Variants in GLG1 observed in about 807,000 individuals in gnomAD.
The protein encoded by GLG1 is Golgi apparatus protein 1.
In GLG1, 38 loss-of-function variants were observed where a neutral mutation model predicts 160.5. The observed-to-expected ratio is 0.24, with a 90% CI of 0.18 to 0.31. The LOEUF is 0.31. Ranked by LOEUF, GLG1 falls within the 10% of genes least tolerant of loss-of-function variation. The pLI, the probability that GLG1 is intolerant of heterozygous loss-of-function variation, is 1.00. For synonymous variants in GLG1, 644 were observed against 543.4 expected (o/e 1.19, Z -2.57); for missense variants, 1,373 against 1,505.2 (o/e 0.91, Z 1.45).
rs949024671 is a variant in GLG1 at position 74,464,765 on chromosome 16, T to C, written c.2667+911A>G. Among the ~76,000 whole-genome samples the C allele has an allele frequency of 2.7e-4, 41 of 152,224 alleles. 2 individuals carry two copies. Among genetic ancestry groups the C allele is most frequent in the Non-Finnish European group, 7.3e-5 (5 of 68,034 alleles). Reference sequence around the variant, plus strand: ...AAAATTCTCTCTAGAATTTATTTGATAGTGTAAAAAGTAGCATTTTACTTT... The same window carrying C: ...AAAATTCTCTCTAGAATTTATTTGACAGTGTAAAAAGTAGCATTTTACTTT... On this transcript the variant is annotated intron_variant, in intron 19 of 25. Transcript: ENST00000422840.
chr16:74,493,225 C>T, intron 6 of GLG1, 85 bp from the exon 7 acceptor site: 1 of 793,596 alleles, frequency 1.3e-6, no homozygotes. Context: ...CACAGCGACT[C>T]AGCCAAGTAC....
At chr16:74,576,129 G>A (rs752453927) in intron 1 of GLG1, among the ~76,000 whole-genome samples, 1 of 152,010 alleles carries the variant, frequency 6.6e-6, no homozygotes. Flanking sequence ...CCCGGGAGGT[G>A]AAGGCGGCGG....
chr16:74,531,898 T>C (rs974031500), intron 2 of GLG1, among the ~76,000 whole-genome samples: 1 of 152,196 alleles, frequency 6.6e-6, no homozygotes, highest in Non-Finnish European at 1.5e-5. Flanking sequence ...TAGCTGTAAC[T>C]GAAGAAAAAC....
At position 74,452,229 on chromosome 16, in the gene GLG1, G is replaced by C; in HGVS notation, c.*938C>G. 1.0e-5 allele frequency: 16 copies of C among 1,543,866 alleles called. No homozygotes were observed. The highest frequency in any genetic ancestry group is 1.4e-5 in the Non-Finnish European group (16 of 1,145,414). On this transcript the variant is annotated 3_prime_UTR_variant, in exon 26 of 26. Transcript: ENST00000422840. The stretch of plus-strand genomic sequence containing the variant: ...CAAGGACCCCTCCCGCCACAGTCCT[G>C]CCTCCTGATGAAGCGCAGAGCTTCC...
chr16:74,496,166 G>T (rs1476971586), intron 5 of GLG1, among the ~76,000 whole-genome samples: 2 of 152,004 alleles, frequency 1.3e-5, no homozygotes, highest in African/African-American at 4.8e-5. Flanking sequence ...TACTTGGGAG[G>T]CTGAGGCAGA....
chr16:74,595,508 G>A (rs139611348), intron 1 of GLG1, among the ~76,000 whole-genome samples: 1,560 of 152,300 alleles, frequency 0.01, 22 homozygotes, highest in Middle Eastern at 0.027. Context: ...CTGCACTCCC[G>A]CCTGGGCGAC....
intron 14 of GLG1, 69 bp from the exon 15 acceptor site, chr16:74,471,355 G>T (rs967943184): frequency 1.2e-6 from 1 of 857,092 alleles, no homozygotes; most frequent in Non-Finnish European, 2.0e-6. Flanking sequence ...AGCCCAGTCC[G>T]AAACAAATGC....
At chr16:74,499,152 C>T (rs1377292613) in intron 4 of GLG1, among the ~76,000 whole-genome samples, 3 of 152,164 alleles carry the variant, frequency 2.0e-5, no homozygotes, top group Non-Finnish European at 4.4e-5. Flanking sequence ...GTCTAGCTAA[C>T]AGTCCATTAT....
intron 1 of GLG1, among the ~76,000 whole-genome samples, chr16:74,572,100 C>G (rs1230793154): frequency 6.6e-6 from 1 of 152,138 alleles, no homozygotes; most frequent in Non-Finnish European, 1.5e-5. Context: ...AAAACCAAGG[C>G]ATGATTGGAG....
chr16:74,544,000 A>T (rs1169946167), intron 1 of GLG1, among the ~76,000 whole-genome samples: 3 of 152,210 alleles, frequency 2.0e-5, no homozygotes, highest in Non-Finnish European at 4.4e-5. Flanking sequence ...AGGAAGGGAA[A>T]ATATTGTTAT....
chr16:74,486,434 C>CA (rs2015788069), intron 8 of GLG1, among the ~76,000 whole-genome samples: 1 of 152,134 alleles, frequency 6.6e-6, no homozygotes, highest in African/African-American at 2.4e-5. Flanking sequence ...ATATCAATTA[C>CA]AAAAAACAGG....
At chr16:74,485,022 TC>T (rs1384933575) in intron 9 of GLG1, among the ~76,000 whole-genome samples, 3 of 152,024 alleles carry the variant, frequency 2.0e-5, no homozygotes, top group Admixed American at 2.0e-4. Context: ...CAAGCAATCT[TC>T]CCACATCAAC....
At chr16:74,527,238 G>C (rs1312636955) in intron 2 of GLG1, among the ~76,000 whole-genome samples, 1 of 137,274 alleles carries the variant, frequency 7.3e-6, no homozygotes, top group African/African-American at 2.6e-5. Context: ...TTTGGCTTAA[G>C]TCAGTTCTTT....
At chr16:74,569,016 T>G (rs1387578508) in intron 1 of GLG1, among the ~76,000 whole-genome samples, 1 of 152,226 alleles carries the variant, frequency 6.6e-6, no homozygotes, top group African/African-American at 2.4e-5. Flanking sequence ...AGGCACTTGC[T>G]AAACCCATCA....
chr16:74,589,881 G>C (rs569842422), intron 1 of GLG1, among the ~76,000 whole-genome samples: 1 of 152,226 alleles, frequency 6.6e-6, no homozygotes, highest in South Asian at 2.1e-4. Flanking sequence ...AGGTTGCAGT[G>C]AGCTGAAATC....
chr16:74,574,787 GAC>G (rs1274703322), intron 1 of GLG1, among the ~76,000 whole-genome samples: 1 of 139,190 alleles, frequency 7.2e-6, no homozygotes, highest in African/African-American at 2.7e-5. Flanking sequence ...GAAAGGCTGA[GAC>G]ACAAGAATCT....
At chr16:74,581,600 A>G (rs1760411231) in intron 1 of GLG1, among the ~76,000 whole-genome samples, 1 of 151,462 alleles carries the variant, frequency 6.6e-6, no homozygotes, top group African/African-American at 2.4e-5. Flanking sequence ...TGGGAGGCTG[A>G]GACTATCTAA....
At position 74,462,175 on chromosome 16, in the gene GLG1, T is replaced by C. The variant is rs769085964; in HGVS notation, c.2955A>G (p.Glu985=). The change falls in exon 22 of 26, where the codon GAA becomes GAG. Residue 985 remains glutamate, a synonymous_variant. Transcript: ENST00000422840. ...CCTGGATAATGATTCGGATCTGGTCTTCACAGTCTGAAGACAGGCGCTGCA... is the reference window on the plus strand; with the variant it reads ...CCTGGATAATGATTCGGATCTGGTCCTCACAGTCTGAAGACAGGCGCTGCA... ...YADQRLSSDC[E]DQIRIIIQES... 1 of 1,603,338 alleles carries C rather than the reference T, an allele frequency of 6.2e-7. No individual in the cohort carries two copies. Among genetic ancestry groups the C allele is most frequent in the South Asian group, 1.1e-5 (1 of 90,830 alleles).
intron 2 of GLG1, among the ~76,000 whole-genome samples, chr16:74,528,695 C>T (rs982525390): frequency 6.7e-6 from 1 of 150,368 alleles, no homozygotes; most frequent in Non-Finnish European, 1.5e-5. Context: ...ACCTGTAATC[C>T]CAGCTACTCA....
Sources: gnomAD v4.1 joint callset for allele counts (sites outside exome capture counted in the v4.1 genomes callset) on GRCh38, gnomAD v4.1.1 for gene constraint, MANE v1.5 for transcripts, NCBI Gene and HGNC (gene_info 2026-07-23, HGNC 2026-07-21) for gene names.